Variants in TTC13 observed in about 807,000 individuals in gnomAD.
TTC13 encodes the protein tetratricopeptide repeat protein 13.
TTC13 carries 62 observed loss-of-function variants against 120.0 expected under a neutral mutation model. That is an observed-to-expected ratio of 0.52 (90% CI 0.42 to 0.64). TTC13 has a LOEUF of 0.64. Among genes scored for constraint, TTC13 ranks in the 30% least tolerant of loss-of-function variants. The pLI, the probability that TTC13 is intolerant of heterozygous loss-of-function variation, is 0.00. For synonymous variants in TTC13, 384 were observed against 393.5 expected (o/e 0.98, Z 0.28); for missense variants, 824 against 1,050.2 (o/e 0.78, Z 2.98).
At chr1:230,911,978 T>A (rs1415215035) in intron 19 of TTC13, among the ~76,000 whole-genome samples, 3 of 152,206 alleles carry the variant, frequency 2.0e-5, no homozygotes, top group African/African-American at 7.2e-5. Context: ...ATTATGTGTA[T>A]AAACTTAGAT....
At chr1:230,950,786 A>C (rs1160458907) in intron 4 of TTC13, among the ~76,000 whole-genome samples, 1 of 152,266 alleles carries the variant, frequency 6.6e-6, no homozygotes, top group Non-Finnish European at 1.5e-5. Context: ...CATAATAAAT[A>C]GCAAAGGCCA....
chr1:230,959,731 C>T (rs1402072694), intron 2 of TTC13, among the ~76,000 whole-genome samples: 1 of 152,212 alleles, frequency 6.6e-6, no homozygotes, highest in Admixed American at 6.5e-5. Context: ...ATTTCTAATA[C>T]TGCATCTATA....
At chr1:230,953,190 A>G (rs1328299272) in intron 4 of TTC13, among the ~76,000 whole-genome samples, 1 of 152,236 alleles carries the variant, frequency 6.6e-6, no homozygotes, top group African/African-American at 2.4e-5. Flanking sequence ...CTACTGAAGA[A>G]TAGTGTTCCA....
At chr1:230,919,057 C>T (rs1672316981) in intron 17 of TTC13, among the ~76,000 whole-genome samples, 1 of 152,074 alleles carries the variant, frequency 6.6e-6, no homozygotes, top group Non-Finnish European at 1.5e-5. Flanking sequence ...AATTTCTGTC[C>T]CTTTTAGTGT....
rs180978944 is a variant in TTC13, at chr1:230,930,744, C to A, written c.1300+554G>T. Among the ~76,000 whole-genome samples the A allele has an allele frequency of 3.3e-3, 505 of 152,258 alleles. 7 individuals are homozygous for A. The highest frequency in any genetic ancestry group is 0.028 in the South Asian group (135 of 4,824). Reference sequence around the variant, plus strand: ...ACCATCCTGGCCAACATGGTGAAACCCTGTCTCTACTAAGAATACAAAAAT... The same window carrying A: ...ACCATCCTGGCCAACATGGTGAAACACTGTCTCTACTAAGAATACAAAAAT... On this transcript the variant is annotated intron_variant, in intron 11 of 22. Transcript: ENST00000366661.
At chr1:230,932,104 C>T (rs1273692706) in intron 9 of TTC13, among the ~76,000 whole-genome samples, 2 of 152,310 alleles carry the variant, frequency 1.3e-5, no homozygotes, top group East Asian at 3.9e-4. Flanking sequence ...GAAAATTCAT[C>T]TGCTGATTTC....
intron 22 of TTC13, among the ~76,000 whole-genome samples, chr1:230,907,802 A>C (rs945818351): frequency 6.6e-6 from 1 of 152,234 alleles, no homozygotes; most frequent in Non-Finnish European, 1.5e-5. Context: ...GGATGTAAAA[A>C]ACCAGGAGAA....
In TTC13 at chr1:230,963,635, A is replaced by AAAAT. The variant is rs145205225; in HGVS notation, c.272-2336_272-2333dup. 7.6e-3 allele frequency among the ~76,000 whole-genome samples: 1,104 copies of AAAAT among 146,166 alleles called. 7 individuals are homozygous for AAAAT. Among genetic ancestry groups the AAAAT allele is most frequent in the African/African-American group, 0.02 (766 of 38,706 alleles). ...GGATGACAGAGTAAGACCCTGTCTC[A>AAAAT]AAATAAATAAATAAATAAATAAATA... On this transcript the variant is annotated intron_variant, in intron 1 of 22. Coordinates refer to ENST00000366661, the MANE Select transcript of TTC13 (RefSeq NM_024525.5).
At chr1:230,935,929 G>T (rs1057458008) in intron 8 of TTC13, among the ~76,000 whole-genome samples, 33 of 152,170 alleles carry the variant, frequency 2.2e-4, no homozygotes, top group Non-Finnish European at 1.0e-4. Context: ...TTTGGTGGCT[G>T]CCTGGGTATG....
At chr1:230,974,309 G>A (rs1678046494) in intron 1 of TTC13, among the ~76,000 whole-genome samples, 1 of 152,066 alleles carries the variant, frequency 6.6e-6, no homozygotes, top group Non-Finnish European at 1.5e-5. Flanking sequence ...CTCTCACACT[G>A]CTTTATTTTC....
Position 230,933,684 on chromosome 1 carries a change from T to C in TTC13, c.983+95A>G, listed in dbSNP as rs1051992362. On this transcript the variant is annotated intron_variant, in intron 9 of 22. Transcript: ENST00000366661. ...ATTCAAAATACCCATCTCCTTTGGT[T>C]AAGAAATACTATTTCTTTTAAATAT... 5 of 651,222 alleles carry C rather than the reference T, an allele frequency of 7.7e-6. No individual in the cohort carries two copies. The East Asian group carries it at 8.3e-5, about 11-fold the overall frequency. 40.3% of individuals were successfully genotyped at this position (651,222 alleles called of 1,614,324 possible). A position where few individuals can be genotyped will look rare whatever the true frequency, so the allele number is the denominator to read the frequency against.
At chr1:230,975,528 G>A (rs1678200144) in intron 1 of TTC13, among the ~76,000 whole-genome samples, 1 of 152,076 alleles carries the variant, frequency 6.6e-6, no homozygotes, top group African/African-American at 2.4e-5. Context: ...ATTAAAGATA[G>A]GGCTTTGGCA....
intron 12 of TTC13, among the ~76,000 whole-genome samples, chr1:230,926,153 T>C (rs1241799119): frequency 1.3e-5 from 2 of 152,126 alleles, no homozygotes; most frequent in Non-Finnish European, 2.9e-5. Context: ...AGACCATCCT[T>C]ACTCAGGCTC....
chr1:230,922,370 C>A (rs1412134896), intron 15 of TTC13, among the ~76,000 whole-genome samples: 2 of 152,196 alleles, frequency 1.3e-5, no homozygotes, highest in Middle Eastern at 3.2e-3. Flanking sequence ...AATTTTCCAA[C>A]CTCCTCCCTT....
intron 6 of TTC13, among the ~76,000 whole-genome samples, chr1:230,941,827 C>T (rs1025652664): frequency 3.9e-5 from 6 of 152,114 alleles, no homozygotes; most frequent in African/African-American, 1.2e-4. Flanking sequence ...AGTTTATCAA[C>T]CCCTAGGTAC....
At chr1:230,941,362 C>T (rs977620675) in intron 6 of TTC13, among the ~76,000 whole-genome samples, 4 of 152,204 alleles carry the variant, frequency 2.6e-5, no homozygotes, top group African/African-American at 7.2e-5. Flanking sequence ...GTGGCACAAT[C>T]ATAGCTCACT....
intron 1 of TTC13, among the ~76,000 whole-genome samples, chr1:230,971,666 G>A (rs1290362900): frequency 6.6e-6 from 1 of 152,144 alleles, no homozygotes; most frequent in African/African-American, 2.4e-5. Flanking sequence ...AACAAAGCTT[G>A]AATGTAATAG....
Position 230,939,516 on chromosome 1 carries a change from G to T in TTC13, c.790-20C>A. 6.6e-7 allele frequency: 1 copy of T among 1,513,604 alleles called. No individual in the cohort carries two copies. The highest frequency in any genetic ancestry group is 9.1e-7 in the Non-Finnish European group (1 of 1,100,876). 93.8% of individuals were successfully genotyped at this position (1,513,604 alleles called of 1,614,324 possible). A position where few individuals can be genotyped will look rare whatever the true frequency, so the allele number is the denominator to read the frequency against. On this transcript the variant is annotated intron_variant, in intron 7 of 22. Transcript: ENST00000366661. ...ATAGTCCTACAAAAAGGAGAGTGGG[G>T]GGAAAAATAAAATAGTATTCATTAG...
At chr1:230,966,713 G>T (rs907279456) in intron 1 of TTC13, among the ~76,000 whole-genome samples, 6 of 152,276 alleles carry the variant, frequency 3.9e-5, no homozygotes, top group African/African-American at 1.4e-4. Context: ...AGAAGATATG[G>T]CCTGGTCAGT....
Sources: allele counts gnomAD v4.1 joint callset (sites outside exome capture counted in the v4.1 genomes callset), GRCh38; gene constraint gnomAD v4.1.1; transcripts MANE v1.5; gene names NCBI Gene and HGNC (gene_info 2026-07-23, HGNC 2026-07-21).